The following PLPPR1 variants were observed in gnomAD, a reference collection of about 807,000 sequenced individuals.
The protein encoded by PLPPR1 is phospholipid phosphatase related 1.
In PLPPR1, 10 loss-of-function variants were observed where a neutral mutation model predicts 33.1. The observed-to-expected ratio is 0.30, with a 90% CI of 0.19 to 0.51. PLPPR1 has a LOEUF of 0.51. PLPPR1 is among the 20% of genes least tolerant of loss of function. The pLI, the probability that PLPPR1 is intolerant of heterozygous loss-of-function variation, is 0.97. For synonymous variants in PLPPR1, 151 were observed against 151.0 expected, an observed-to-expected ratio of 1.00 and a Z score of 0.00; for missense variants, 304 against 408.1, an observed-to-expected ratio of 0.74 and a Z score of 2.20.
intron 1 of PLPPR1, among the ~76,000 whole-genome samples, chr9:101,142,463 T>G (rs554684673): frequency 5.9e-5 from 9 of 152,314 alleles, no homozygotes; most frequent in African/African-American, 1.7e-4. Context: ...GGATGGCCCT[T>G]TCATCAGGGA....
chr9:101,093,521 A>G (rs576588564), intron 1 of PLPPR1, among the ~76,000 whole-genome samples: 19 of 152,344 alleles, frequency 1.2e-4, no homozygotes, highest in African/African-American at 4.6e-4. Context: ...CCTTCTGCCT[A>G]TTCAGAAGTC....
intron 2 of PLPPR1, among the ~76,000 whole-genome samples, chr9:101,208,881 T>C (rs1564176000): frequency 6.6e-6 from 1 of 152,148 alleles, no homozygotes; most frequent in African/African-American, 2.4e-5. Context: ...AAAAGAAGGA[T>C]CTAACTTGGG....
chr9:101,205,384 T>C (rs1826569627), intron 2 of PLPPR1, among the ~76,000 whole-genome samples: 1 of 152,186 alleles, frequency 6.6e-6, no homozygotes. Flanking sequence ...TATGATGTTT[T>C]TGAAAAATCT....
chr9:101,300,830 C>A (rs946519301), intron 4 of PLPPR1, among the ~76,000 whole-genome samples: 1 of 152,166 alleles, frequency 6.6e-6, no homozygotes, highest in Admixed American at 6.5e-5. Context: ...GTTACCATAG[C>A]CTCTGGCAAA....
At chr9:101,152,877 T>C (rs1472626265) in intron 1 of PLPPR1, among the ~76,000 whole-genome samples, 1 of 152,226 alleles carries the variant, frequency 6.6e-6, no homozygotes, top group African/African-American at 2.4e-5. Flanking sequence ...GACTTGGCAA[T>C]GCGGGCTCTT....
At chr9:101,064,698 G>C (rs1041513424) in intron 1 of PLPPR1, among the ~76,000 whole-genome samples, 4 of 152,016 alleles carry the variant, frequency 2.6e-5, no homozygotes, top group Admixed American at 1.3e-4. Context: ...GAATATCTGA[G>C]ACTGAGTAAT....
intron 2 of PLPPR1, among the ~76,000 whole-genome samples, chr9:101,240,214 G>T (rs1414522168): frequency 1.3e-5 from 2 of 151,814 alleles, no homozygotes; most frequent in African/African-American, 4.8e-5. Flanking sequence ...CCGAATATGA[G>T]GATTTATTTA....
intron 3 of PLPPR1, among the ~76,000 whole-genome samples, chr9:101,275,157 CACTA>C (rs1419848820): frequency 6.6e-6 from 1 of 152,192 alleles, no homozygotes; most frequent in African/African-American, 2.4e-5. Flanking sequence ...ATCTGTGAGA[CACTA>C]ACTAACATCA....
chr9:101,274,351 C>G (rs1296635296), intron 3 of PLPPR1, among the ~76,000 whole-genome samples: 1 of 152,138 alleles, frequency 6.6e-6, no homozygotes. Context: ...TGTTGAGACT[C>G]AAGTAGGTTA....
intron 1 of PLPPR1, among the ~76,000 whole-genome samples, chr9:101,072,148 TC>T (rs1431488704): frequency 6.6e-6 from 1 of 152,136 alleles, no homozygotes; most frequent in Non-Finnish European, 1.5e-5. Flanking sequence ...ATCCCTACAG[TC>T]TAGCGTCAAT....
intron 1 of PLPPR1, among the ~76,000 whole-genome samples, chr9:101,034,101 G>A (rs990604199): frequency 6.6e-6 from 1 of 152,104 alleles, no homozygotes; most frequent in Non-Finnish European, 1.5e-5. Flanking sequence ...AGTCTAGCAG[G>A]GGAAAGAGTT....
At chr9:101,114,736 T>C (rs577775523) in intron 1 of PLPPR1, among the ~76,000 whole-genome samples, 1 of 152,300 alleles carries the variant, frequency 6.6e-6, no homozygotes, top group African/African-American at 2.4e-5. Context: ...AACAATTACA[T>C]ATCTGCCTCT....
In PLPPR1 at chr9:101,260,950, C is replaced by T. The variant is rs116493733; in HGVS notation, c.64-8930C>T. ...GAATGGAGGAAGAGGAGACCTCAGT[C>T]AACCTCTACTATCACCCCAAAGTAA... is the stretch of plus-strand genomic sequence containing the variant. On this transcript the variant is annotated intron_variant, in intron 2 of 7. Coordinates refer to ENST00000374874, the MANE Select transcript of PLPPR1 (RefSeq NM_207299.2). Among the ~76,000 whole-genome samples the T allele has an allele frequency of 6.4e-3, 980 of 152,246 alleles. 9 individuals carry two copies. Among genetic ancestry groups the T allele is most frequent in the African/African-American group, 0.022 (929 of 41,544 alleles).
At chr9:101,043,896 A>G (rs1021958989) in intron 1 of PLPPR1, among the ~76,000 whole-genome samples, 4 of 152,198 alleles carry the variant, frequency 2.6e-5, no homozygotes, top group African/African-American at 4.8e-5. Flanking sequence ...CTCCCTAATC[A>G]TTAGTCATGT....
At chr9:101,320,499 A>G (rs1187383719) in intron 7 of PLPPR1, among the ~76,000 whole-genome samples, 1 of 152,226 alleles carries the variant, frequency 6.6e-6, no homozygotes, top group Non-Finnish European at 1.5e-5. Flanking sequence ...TTTGACCATA[A>G]TCACTATTTG....
At chr9:101,108,242 T>C (rs574034028) in intron 1 of PLPPR1, among the ~76,000 whole-genome samples, 2 of 152,334 alleles carry the variant, frequency 1.3e-5, no homozygotes, top group Non-Finnish European at 2.9e-5. Flanking sequence ...ATAATAATCA[T>C]GTTTGTTAAA....
chr9:101,297,228 A>T (rs1225064217), intron 4 of PLPPR1, among the ~76,000 whole-genome samples: 3 of 150,366 alleles, frequency 2.0e-5, no homozygotes, highest in Non-Finnish European at 4.4e-5. Context: ...TAATTTTTTT[A>T]AAGAGTGAGG....
intron 1 of PLPPR1, among the ~76,000 whole-genome samples, chr9:101,146,017 A>G (rs997751613): frequency 9.9e-5 from 15 of 152,088 alleles, no homozygotes; most frequent in Admixed American, 9.2e-4. Context: ...GCCTGTCTCA[A>G]AAGAAAAAAA....
intron 1 of PLPPR1, among the ~76,000 whole-genome samples, chr9:101,156,592 A>G (rs1455604080): frequency 6.6e-6 from 1 of 151,586 alleles, no homozygotes; most frequent in Non-Finnish European, 1.5e-5. Flanking sequence ...GAAAGAAAAA[A>G]AAGAAATAGC....
Sources: allele counts gnomAD v4.1 joint callset (sites outside exome capture counted in the v4.1 genomes callset), GRCh38; gene constraint gnomAD v4.1.1; transcripts MANE v1.5; gene names NCBI Gene and HGNC (gene_info 2026-07-23, HGNC 2026-07-21).